Variants in JAK2 observed in about 807,000 individuals in gnomAD.
The protein encoded by JAK2 is tyrosine-protein kinase JAK2.
A neutral mutation model predicts 139.3 loss-of-function variants in JAK2; 86 were observed. The ratio of observed to expected loss-of-function variants is 0.62; its 90% CI spans 0.52 to 0.74. JAK2 has a LOEUF of 0.74. Ranked by LOEUF, JAK2 falls within the 30% of genes least tolerant of loss-of-function variation. The pLI, the probability that JAK2 is intolerant of heterozygous loss-of-function variation, is 0.00. For synonymous variants in JAK2, 490 were observed against 437.7 expected (o/e 1.12, Z -1.49); for missense variants, 1,421 against 1,360.3 (o/e 1.04, Z -0.70).
At chr9:5,048,265 C>T (rs927325767) in intron 5 of JAK2, among the ~76,000 whole-genome samples, 2 of 152,014 alleles carry the variant, frequency 1.3e-5, no homozygotes, top group Non-Finnish European at 2.9e-5. Context: ...ACTCAGCCTC[C>T]CTAGTAGCTG....
chr9:5,098,063 A>G (rs981376192), intron 22 of JAK2: 1 of 152,192 alleles, frequency 6.6e-6, no homozygotes, highest in Non-Finnish European at 1.5e-5. Context: ...TATGCTAACA[A>G]TTTTTATAAT....
At chr9:5,056,567 T>C (rs1817781865) in intron 8 of JAK2, among the ~76,000 whole-genome samples, 2 of 152,128 alleles carry the variant, frequency 1.3e-5, no homozygotes, top group Admixed American at 6.6e-5. Context: ...AAAAATATGA[T>C]AGTACACCTA....
At chr9:5,108,988 T>A (rs1822210438) in intron 22 of JAK2, 1 of 152,150 alleles carries the variant, frequency 6.6e-6, no homozygotes, top group African/African-American at 2.4e-5. Context: ...TGATATAGCC[T>A]CATGATGACT....
chr9:5,056,247 G>A (rs893909373), intron 8 of JAK2, among the ~76,000 whole-genome samples: 4 of 152,002 alleles, frequency 2.6e-5, no homozygotes, highest in African/African-American at 9.7e-5. Flanking sequence ...TGTAGGACAT[G>A]GTTGATTCTA....
At chr9:5,016,205 T>A (rs1822048314) in intron 2 of JAK2, among the ~76,000 whole-genome samples, 1 of 152,178 alleles carries the variant, frequency 6.6e-6, no homozygotes, top group African/African-American at 2.4e-5. Flanking sequence ...ATGACATGAT[T>A]TAGGAACTTC....
intron 12 of JAK2, among the ~76,000 whole-genome samples, chr9:5,071,150 T>C: frequency 6.6e-6 from 1 of 152,276 alleles, no homozygotes; most frequent in African/African-American, 2.4e-5. Flanking sequence ...AAATTAAAAG[T>C]GGTACTCTCC....
chr9:5,042,053 C>T (rs910514777), intron 4 of JAK2: 2 of 271,110 alleles, frequency 7.4e-6, no homozygotes, highest in Non-Finnish European at 1.4e-5. Context: ...ACACAGACTG[C>T]AGGGTCTTGG....
At position 5,078,861 on chromosome 9, in the gene JAK2, T is replaced by C. The variant is rs533336774; in HGVS notation, c.2131+417T>C. On this transcript the variant is annotated intron_variant, in intron 16 of 24. Coordinates refer to ENST00000381652, the MANE Select transcript of JAK2 (RefSeq NM_004972.4). ...ATTAGTTTAATTATCCAGCTAATTCTGACTTTTTAAAACCTTAAAAAAACT... is the reference window on the plus strand; with the variant it reads ...ATTAGTTTAATTATCCAGCTAATTCCGACTTTTTAAAACCTTAAAAAAACT... Among the ~76,000 whole-genome samples, 44 of 152,356 alleles carry C rather than the reference T, an allele frequency of 2.9e-4. 1 individual carries two copies. The highest frequency in any genetic ancestry group is 6.0e-4 in the Non-Finnish European group (41 of 68,028).
At chr9:5,093,279 C>G (rs1159080471) in intron 22 of JAK2, among the ~76,000 whole-genome samples, 2 of 152,184 alleles carry the variant, frequency 1.3e-5, no homozygotes, top group Admixed American at 6.5e-5. Flanking sequence ...CTTACCCCAC[C>G]TGTTTACCAA....
Position 5,128,727 on chromosome 9 carries a change from T to C in JAK2, c.*1936T>C, listed in dbSNP as rs1037449072. Among the ~76,000 whole-genome samples, 3 of 151,980 alleles carry C rather than the reference T, an allele frequency of 2.0e-5. No individual in the cohort carries two copies. Among genetic ancestry groups the C allele is most frequent in the Admixed American group, 6.6e-5 (1 of 15,266 alleles). Reference sequence around the variant, plus strand: ...CAAGTTTCCAAGAGACTTCTTTTCATTGAGGCTTCGTAAAGTTTTCCATTT... The same window carrying C: ...CAAGTTTCCAAGAGACTTCTTTTCACTGAGGCTTCGTAAAGTTTTCCATTT... On this transcript the variant is annotated 3_prime_UTR_variant, in exon 25 of 25. Transcript: ENST00000381652.
At chr9:5,081,472 C>T (rs555692238) in intron 18 of JAK2, among the ~76,000 whole-genome samples, 2 of 152,204 alleles carry the variant, frequency 1.3e-5, no homozygotes, top group African/African-American at 4.8e-5. Flanking sequence ...AGTATATTAC[C>T]TTACTTTATG....
At chr9:5,098,006 T>C (rs1821148573) in intron 22 of JAK2, 1 of 152,204 alleles carries the variant, frequency 6.6e-6, no homozygotes, top group African/African-American at 2.4e-5. Flanking sequence ...ATACACCGCA[T>C]GAAATATTAT....
chr9:5,071,858 G>A (rs1020941099), intron 12 of JAK2, among the ~76,000 whole-genome samples: 2 of 152,164 alleles, frequency 1.3e-5, no homozygotes, highest in Non-Finnish European at 2.9e-5. Context: ...TTACTGCAGA[G>A]TGCAGGCTTT....
chr9:5,058,538 G>A (rs1394098547), intron 8 of JAK2, among the ~76,000 whole-genome samples: 1 of 152,178 alleles, frequency 6.6e-6, no homozygotes, highest in South Asian at 2.1e-4. Flanking sequence ...TGAGAGTTGG[G>A]TGGGGACGCA....
intron 24 of JAK2, 27 bp downstream of exon 24, chr9:5,126,473 A>G: frequency 6.9e-7 from 1 of 1,442,294 alleles, no homozygotes; most frequent in Non-Finnish European, 9.7e-7. Context: ...AATCCAGGGT[A>G]GTCATGCATT....
intron 22 of JAK2, among the ~76,000 whole-genome samples, chr9:5,115,039 C>A (rs994804420): frequency 6.6e-6 from 1 of 152,144 alleles, no homozygotes; most frequent in African/African-American, 2.4e-5. Context: ...ACACCAAAAG[C>A]AATGGCAACA....
intron 22 of JAK2, among the ~76,000 whole-genome samples, chr9:5,119,393 A>G (rs1823445970): frequency 6.6e-6 from 1 of 152,062 alleles, no homozygotes; most frequent in Non-Finnish European, 1.5e-5. Context: ...ATGCACTTTC[A>G]TGTATAATTT....
intron 22 of JAK2, among the ~76,000 whole-genome samples, chr9:5,092,376 G>C (rs1012193017): frequency 1.3e-5 from 2 of 152,074 alleles, no homozygotes; most frequent in Non-Finnish European, 2.9e-5. Flanking sequence ...TCGTAATATG[G>C]TAAGTGTACT....
At chr9:5,125,944 T>G (rs1823962460) in intron 23 of JAK2, 1 of 153,266 alleles carries the variant, frequency 6.5e-6, no homozygotes, top group South Asian at 2.1e-4. Context: ...TATGAAAGTT[T>G]TCTTTGTTGT....
Sources: gnomAD v4.1 joint callset for allele counts (sites outside exome capture counted in the v4.1 genomes callset) on GRCh38, gnomAD v4.1.1 for gene constraint, MANE v1.5 for transcripts, NCBI Gene and HGNC (gene_info 2026-07-23, HGNC 2026-07-21) for gene names.